Variants in EPB41L1 observed in about 807,000 individuals in gnomAD.
EPB41L1 encodes band 4.1-like protein 1.
In EPB41L1, 29 loss-of-function variants were observed where a neutral mutation model predicts 97.8. The ratio of observed to expected loss-of-function variants is 0.30; its 90% CI spans 0.22 to 0.40. The LOEUF (loss-of-function observed/expected upper bound fraction) is 0.40. Among genes scored for constraint, EPB41L1 ranks in the 10% least tolerant of loss-of-function variants. The pLI is 1.00. For synonymous variants in EPB41L1, 383 were observed against 459.2 expected (o/e 0.83, Z 2.12); for missense variants, 812 against 1,162.3 (o/e 0.70, Z 4.38).
At chr20:36,147,309 T>C (rs1320655240) in intron 2 of EPB41L1, among the ~76,000 whole-genome samples, 1 of 152,214 alleles carries the variant, frequency 6.6e-6, no homozygotes. Context: ...ATTGATGTTA[T>C]AACATAAACA....
intron 12 of EPB41L1, 52 bp downstream of exon 12, chr20:36,194,412 C>T: frequency 6.4e-7 from 1 of 1,561,754 alleles, no homozygotes; most frequent in Non-Finnish European, 8.7e-7. Flanking sequence ...GGAGGCTGAC[C>T]TGAGGTCTAG....
At chr20:36,191,902 G>C (rs1192742640) in intron 11 of EPB41L1, among the ~76,000 whole-genome samples, 1 of 152,180 alleles carries the variant, frequency 6.6e-6, no homozygotes, top group Non-Finnish European at 1.5e-5. Flanking sequence ...CATCATTATT[G>C]TTTTTAGGTT....
At chr20:36,099,199 T>C (rs1282902822) in intron 1 of EPB41L1, among the ~76,000 whole-genome samples, 1 of 151,540 alleles carries the variant, frequency 6.6e-6, no homozygotes, top group Non-Finnish European at 1.5e-5. Context: ...AACAAAGAAA[T>C]GGGACAGTAG....
rs544299792 is a variant in EPB41L1, at chr20:36,218,133, G to A, written c.2269-743G>A. ...CCAAGGGCAGAGTGGCGTGCACAGT[G>A]TGTTGGACTTGGAGTCAGACAACAT... On this transcript the variant is annotated intron_variant, in intron 17 of 21. Transcript: ENST00000338074. Among the ~76,000 whole-genome samples, 5 of 152,310 alleles carry A rather than the reference G, an allele frequency of 3.3e-5. No individual in the cohort carries two copies. The East Asian group carries it at 7.7e-4, about 24-fold the overall frequency.
At chr20:36,213,247 A>C (rs1386509594) in intron 16 of EPB41L1, among the ~76,000 whole-genome samples, 2 of 152,042 alleles carry the variant, frequency 1.3e-5, no homozygotes, top group Non-Finnish European at 2.9e-5. Context: ...AAAATACAAA[A>C]ATTAGCTGGG....
intron 2 of EPB41L1, among the ~76,000 whole-genome samples, chr20:36,131,821 T>C (rs1213673066): frequency 6.6e-6 from 1 of 152,158 alleles, no homozygotes; most frequent in Non-Finnish European, 1.5e-5. Flanking sequence ...AGGCTACTGC[T>C]GTGGATGGTG....
chr20:36,176,452 G>A (rs1002168611), intron 3 of EPB41L1, among the ~76,000 whole-genome samples: 4 of 152,166 alleles, frequency 2.6e-5, no homozygotes, highest in African/African-American at 9.7e-5. Flanking sequence ...CTCCGCATGT[G>A]TGAAAGGGCT....
chr20:36,219,071 C>A, intron 18 of EPB41L1, 109 bp downstream of exon 18: 2 of 1,194,750 alleles, frequency 1.7e-6, no homozygotes, highest in South Asian at 1.3e-5. Flanking sequence ...AGGCACCCTT[C>A]TAGGTGCAAA....
At chr20:36,120,005 C>T (rs375755479) in intron 2 of EPB41L1, among the ~76,000 whole-genome samples, 2 of 152,288 alleles carry the variant, frequency 1.3e-5, no homozygotes, top group East Asian at 3.9e-4. Context: ...GTCCTTGCTT[C>T]ATCACTCCAA....
intron 1 of EPB41L1, among the ~76,000 whole-genome samples, chr20:36,106,153 G>C (rs1346399360): frequency 6.6e-6 from 1 of 152,228 alleles, no homozygotes; most frequent in Non-Finnish European, 1.5e-5. Context: ...CTCCTGCTGG[G>C]TGTGGGTGGG....
intron 2 of EPB41L1, among the ~76,000 whole-genome samples, chr20:36,141,461 T>C (rs573522091): frequency 3.0e-4 from 45 of 152,216 alleles, no homozygotes; most frequent in African/African-American, 9.4e-4. Context: ...ACTGTGGGAA[T>C]TGGCTAGATG....
chr20:36,157,982 A>G (rs943073637), intron 1 of EPB41L1, among the ~76,000 whole-genome samples: 2 of 152,154 alleles, frequency 1.3e-5, no homozygotes, highest in Non-Finnish European at 2.9e-5. Flanking sequence ...AGCATTTATT[A>G]TGTGCCAGGC....
intron 1 of EPB41L1, among the ~76,000 whole-genome samples, chr20:36,105,347 A>G (rs1458502529): frequency 1.3e-5 from 2 of 152,148 alleles, no homozygotes; most frequent in Non-Finnish European, 2.9e-5. Flanking sequence ...TGTCTCTGGC[A>G]TGCCCTGGGT....
At chr20:36,124,203 C>T (rs2058868723) in intron 2 of EPB41L1, among the ~76,000 whole-genome samples, 3 of 152,038 alleles carry the variant, frequency 2.0e-5, no homozygotes, top group South Asian at 2.1e-4. Context: ...TGCAGTGAGC[C>T]GAGATCGCGC....
chr20:36,198,396 G>A (rs370715305), intron 14 of EPB41L1, among the ~76,000 whole-genome samples: 13 of 152,290 alleles, frequency 8.5e-5, no homozygotes, highest in African/African-American at 2.6e-4. Flanking sequence ...TGCTGGCATC[G>A]GCATCTGGAC....
upstream of EPB41L1, chr20:36,149,743 G>A (rs1210007105): frequency 2.0e-5 from 3 of 152,474 alleles, no homozygotes. Context: ...GCTGTCACTG[G>A]GCCCGGCTGC....
chr20:36,185,094 T>C (rs1317573508), intron 6 of EPB41L1, 23 bp from the exon 7 acceptor site: 15 of 1,611,000 alleles, frequency 9.3e-6, no homozygotes, highest in Non-Finnish European at 1.2e-5. Flanking sequence ...CCTGTGCCCA[T>C]GCTGGCTCTC....
At chr20:36,162,777 A>G (rs927933605) in intron 1 of EPB41L1, among the ~76,000 whole-genome samples, 2 of 152,220 alleles carry the variant, frequency 1.3e-5, no homozygotes, top group African/African-American at 2.4e-5. Flanking sequence ...GCAAGAAGCC[A>G]AGGCTGATGG....
rs35428172 is a variant in EPB41L1, at chr20:36,130,787, TTCTC to T, written c.-10+18333_-10+18336del. ...CTCTCTCTATTTGATTTTTAAAAAT[TTCTC>T]TCTCTCTCTCTCTCTCTCTCTCTCT... On this transcript the variant is annotated intron_variant, in intron 2 of 19. Transcript: ENST00000202028. Among the ~76,000 whole-genome samples, 1,277 of 143,726 alleles carry T rather than the reference TTCTC, an allele frequency of 8.9e-3. 5 individuals carry two copies. The highest frequency in any genetic ancestry group is 0.02 in the East Asian group (97 of 4,936). The allele number at this position is 143,726 out of a possible 152,430, so 94.3% of individuals were successfully genotyped here. A position where few individuals can be genotyped will look rare whatever the true frequency, so the allele number is the denominator to read the frequency against.
Sources: allele counts gnomAD v4.1 joint callset (sites outside exome capture counted in the v4.1 genomes callset), GRCh38; gene constraint gnomAD v4.1.1; transcripts MANE v1.5; gene names NCBI Gene and HGNC (gene_info 2026-07-23, HGNC 2026-07-21).